Variants in DENND5B observed in about 807,000 individuals in gnomAD.
The protein encoded by DENND5B is DENN domain-containing protein 5B.
DENND5B carries 34 observed loss-of-function variants against 140.6 expected under a neutral mutation model. The observed-to-expected ratio is 0.24, with a 90% CI of 0.18 to 0.32. DENND5B has a LOEUF of 0.32. Among genes scored for constraint, DENND5B ranks in the 10% least tolerant of loss-of-function variants. The pLI is 1.00. For synonymous variants in DENND5B, 551 were observed against 562.1 expected (o/e 0.98, Z 0.28); for missense variants, 1,142 against 1,560.2 (o/e 0.73, Z 4.52).
chr12:31,565,111 T>C (rs1178790448), intron 1 of DENND5B, among the ~76,000 whole-genome samples: 1 of 152,098 alleles, frequency 6.6e-6, no homozygotes, highest in Admixed American at 6.6e-5. Flanking sequence ...GACTACTGCA[T>C]CTATTAAGGG....
intron 3 of DENND5B, among the ~76,000 whole-genome samples, chr12:31,472,355 G>A (rs1236412582): frequency 3.3e-5 from 5 of 152,154 alleles, no homozygotes; most frequent in East Asian, 1.9e-4. Flanking sequence ...ACAGTGGCAC[G>A]ACCTCGGCTC....
chr12:31,546,936 T>C (rs924697298), intron 1 of DENND5B, among the ~76,000 whole-genome samples: 4 of 152,224 alleles, frequency 2.6e-5, no homozygotes, highest in Admixed American at 6.5e-5. Context: ...CATTCAAGTT[T>C]AATTGGCACA....
chr12:31,480,848 A>G (rs1049620117), intron 2 of DENND5B, among the ~76,000 whole-genome samples: 1 of 152,194 alleles, frequency 6.6e-6, no homozygotes, highest in Non-Finnish European at 1.5e-5. Flanking sequence ...AAGCTTTTTG[A>G]TCTACTAAAG....
At chr12:31,513,266 T>C (rs1221788492) in intron 1 of DENND5B, among the ~76,000 whole-genome samples, 1 of 152,212 alleles carries the variant, frequency 6.6e-6, no homozygotes, top group Non-Finnish European at 1.5e-5. Flanking sequence ...ATGTTAACCT[T>C]GATCACTTGG....
rs552257141 is a variant in DENND5B at position 31,401,759 on chromosome 12, C to G, written c.2949+739G>C. On this transcript the variant is annotated intron_variant, in intron 15 of 20. Coordinates refer to ENST00000389082, the MANE Select transcript of DENND5B (RefSeq NM_144973.4). Reference sequence around the variant, plus strand: ...GACCTCAGCCTTGCAAGTACCCAGACTACAGGTGCATGCCACCATGCCCAG... The same window carrying G: ...GACCTCAGCCTTGCAAGTACCCAGAGTACAGGTGCATGCCACCATGCCCAG... Among the ~76,000 whole-genome samples, 20 of 152,176 alleles carry G rather than the reference C, an allele frequency of 1.3e-4. No individual in the cohort carries two copies. In the South Asian group the frequency reaches 3.9e-3, roughly 30 times the overall value.
chr12:31,536,465 A>G (rs531240711), intron 1 of DENND5B, among the ~76,000 whole-genome samples: 1 of 152,146 alleles, frequency 6.6e-6, no homozygotes, highest in South Asian at 2.1e-4. Context: ...TAATAGCAGA[A>G]GGATCAAGCA....
At chr12:31,570,947 A>C (rs1332838980) in intron 1 of DENND5B, among the ~76,000 whole-genome samples, 4 of 152,126 alleles carry the variant, frequency 2.6e-5, no homozygotes, top group African/African-American at 9.7e-5. Context: ...AAGCAACAAA[A>C]GCCAAAACAT....
intron 2 of DENND5B, among the ~76,000 whole-genome samples, chr12:31,482,286 C>G (rs1946099015): frequency 1.3e-5 from 2 of 152,206 alleles, no homozygotes; most frequent in Non-Finnish European, 2.9e-5. Context: ...TCTACAATCT[C>G]ATGAACCTGA....
chr12:31,498,480 A>C (rs1327236380), intron 1 of DENND5B, among the ~76,000 whole-genome samples: 1 of 152,146 alleles, frequency 6.6e-6, no homozygotes, highest in East Asian at 1.9e-4. Flanking sequence ...AATTTTACAA[A>C]AACAAAAAAA....
chr12:31,452,205 G>T lies in DENND5B; in HGVS notation c.1364C>A (p.Ala455Asp). 2 of 1,613,954 alleles carry T rather than the reference G, an allele frequency of 1.2e-6. No individual in the cohort carries two copies. The highest frequency in any genetic ancestry group is 1.7e-6 in the Non-Finnish European group (2 of 1,179,888). Residue 455 changes from alanine (A) to aspartate (D), a missense_variant, in exon 5 of 21, where the codon GCC (alanine) becomes GAC (aspartate). Transcript: ENST00000389082. ...ACGCTTGGCCAGAGCCTGCAAGCGG[G>T]CTATGGTTTCATTGCCCTTCAGTAA... ...YELLKGNETI[A>D]RLQALAKRTG...
At chr12:31,578,239 T>A (rs1950092128) in intron 1 of DENND5B, among the ~76,000 whole-genome samples, 2 of 152,156 alleles carry the variant, frequency 1.3e-5, no homozygotes, top group Admixed American at 6.5e-5. Flanking sequence ...TTATTGTAAT[T>A]TATAAATACT....
Position 31,540,218 on chromosome 12 carries a change from G to A in DENND5B, c.128-44299C>T, listed in dbSNP as rs115914530. On this transcript the variant is annotated intron_variant, in intron 1 of 20. Coordinates refer to ENST00000389082, the MANE Select transcript of DENND5B (RefSeq NM_144973.4). ...AAACACTGGAGCAAGAAATTGAAAA[G>A]GACACAAAAAACTGGAAAGACATTC... Among the ~76,000 whole-genome samples, 482 of 152,082 alleles carry A rather than the reference G, an allele frequency of 3.2e-3. 1 individual carries two copies. The highest frequency in any genetic ancestry group is 0.011 in the African/African-American group (461 of 41,502).
chr12:31,580,222 T>C (rs1381806357), intron 1 of DENND5B, among the ~76,000 whole-genome samples: 1 of 152,032 alleles, frequency 6.6e-6, no homozygotes, highest in Non-Finnish European at 1.5e-5. Flanking sequence ...AAGACATGTT[T>C]GCTTAAAAAA....
At chr12:31,500,558 T>C (rs988900926) in intron 1 of DENND5B, 2 of 319,446 alleles carry the variant, frequency 6.3e-6, no homozygotes, top group Non-Finnish European at 1.2e-5. Context: ...TGGGTGCCCA[T>C]AATCCCAGTT....
At chr12:31,442,189 AC>A (rs1944066464) in intron 7 of DENND5B, among the ~76,000 whole-genome samples, 1 of 152,184 alleles carries the variant, frequency 6.6e-6, no homozygotes, top group African/African-American at 2.4e-5. Flanking sequence ...CAGAGGTGAG[AC>A]ATCTGAAGGC....
At chr12:31,543,362 G>C (rs1948751340) in intron 1 of DENND5B, among the ~76,000 whole-genome samples, 1 of 152,206 alleles carries the variant, frequency 6.6e-6, no homozygotes, top group Admixed American at 6.5e-5. Flanking sequence ...TTCTTTGACA[G>C]TACCTGCTAC....
At chr12:31,409,856 G>A (rs1238010623) in intron 13 of DENND5B, among the ~76,000 whole-genome samples, 1 of 151,786 alleles carries the variant, frequency 6.6e-6, no homozygotes, top group African/African-American at 2.4e-5. Flanking sequence ...GGCTGGTCTT[G>A]AACTCTTGGA....
At chr12:31,532,346 G>A (rs1480790380) in intron 1 of DENND5B, among the ~76,000 whole-genome samples, 2 of 152,178 alleles carry the variant, frequency 1.3e-5, no homozygotes, top group African/African-American at 4.8e-5. Flanking sequence ...GATACAGGAA[G>A]AGAGGGGAGG....
Position 31,424,565 on chromosome 12 carries a change from C to T in DENND5B, c.2361G>A (p.Arg787=). ...LIASLCDLLE[R]IWSHGLQVKQ... is the part of the protein sequence containing the mutation. ...TGACCTGCAAGCCATGGCTCCATAT[C>T]CTCTCCAGCAGGTCACAAAGGCTGG... The change falls in exon 10 of 21, where the codon AGG becomes AGA. Residue 787 remains arginine (R), a synonymous_variant. Transcript: ENST00000389082. 1.2e-6 allele frequency: 2 copies of T among 1,613,898 alleles called. No homozygotes were observed. The highest frequency in any genetic ancestry group is 8.5e-7 in the Non-Finnish European group (1 of 1,179,856).
Sources: gnomAD v4.1 joint callset for allele counts (sites outside exome capture counted in the v4.1 genomes callset) on GRCh38, gnomAD v4.1.1 for gene constraint, MANE v1.5 for transcripts, NCBI Gene and HGNC (gene_info 2026-07-23, HGNC 2026-07-21) for gene names.